Variants in DLG2 observed in about 807,000 individuals in gnomAD.
DLG2 encodes the protein disks large homolog 2.
A neutral mutation model predicts 132.5 loss-of-function variants in DLG2; 45 were observed. The observed-to-expected ratio is 0.34, with a 90% CI of 0.27 to 0.44. The LOEUF is 0.44. Ranked by LOEUF, DLG2 falls within the 20% of genes least tolerant of loss-of-function variation. The pLI is 1.00. For missense variants in DLG2, 1,045 were observed against 1,196.9 expected (o/e 0.87, Z 1.87); for synonymous variants, 424 against 419.6 (o/e 1.01, Z -0.13).
intron 8 of DLG2, among the ~76,000 whole-genome samples, chr11:84,203,590 A>AAAAG (rs1555419057): frequency 6.6e-6 from 1 of 151,572 alleles, no homozygotes; most frequent in Admixed American, 6.6e-5. Flanking sequence ...TCAAAAAAAA[A>AAAAG]AAAAAAAAAG....
intron 6 of DLG2, chr11:85,020,981 C>T (rs572215104): frequency 1.3e-6 from 1 of 778,912 alleles, no homozygotes; most frequent in South Asian, 1.3e-5. Flanking sequence ...AGCTGCTGCT[C>T]TGCTCCTCTT....
rs181951149 is a variant in DLG2 at position 84,863,011 on chromosome 11, C to T, written c.357+248650G>A. 1.4e-4 allele frequency among the ~76,000 whole-genome samples: 21 copies of T among 152,096 alleles called. 1 individual carries two copies. Among genetic ancestry groups the T allele is most frequent in the Admixed American group, 4.6e-4 (7 of 15,270 alleles). ...TATTAGTTCCGTCCTGCTTCTCTCC[C>T]ACCAACTCTGCTTGCTATCCTTGTC... On this transcript the variant is annotated intron_variant, in intron 6 of 27. Transcript: ENST00000376104.
At chr11:84,995,613 T>C (rs1387091213) in intron 6 of DLG2, among the ~76,000 whole-genome samples, 1 of 152,206 alleles carries the variant, frequency 6.6e-6, no homozygotes, top group Non-Finnish European at 1.5e-5. Flanking sequence ...AAGCATTCAA[T>C]AAATACTGAA....
intron 6 of DLG2, among the ~76,000 whole-genome samples, chr11:84,568,090 G>A (rs1161957769): frequency 6.6e-6 from 1 of 152,162 alleles, no homozygotes; most frequent in Non-Finnish European, 1.5e-5. Context: ...AAACACTAGA[G>A]GAAATGGCAT....
In DLG2 at chr11:83,890,420, C is replaced by T. The variant is rs376904001; in HGVS notation, c.1497-15932G>A. ...GAACTCAGTGGCCCTAGATAAGTCACTTCATTTTCCTTGTTTTGATTTTTC... is the reference window on the plus strand; with the variant it reads ...GAACTCAGTGGCCCTAGATAAGTCATTTCATTTTCCTTGTTTTGATTTTTC... On this transcript the variant is annotated intron_variant, in intron 15 of 27. Transcript: ENST00000376104. Among the ~76,000 whole-genome samples, 9 of 152,012 alleles carry T rather than the reference C, an allele frequency of 5.9e-5. No homozygotes were observed. In the East Asian group the frequency reaches 1.7e-3, roughly 29 times the overall value.
intron 7 of DLG2, chr11:84,316,711 T>C (rs2098360230): frequency 1.0e-5 from 12 of 1,149,878 alleles, no homozygotes; most frequent in Middle Eastern, 4.1e-4. Flanking sequence ...CCTAATATTT[T>C]ACATACAGGC....
In DLG2 at chr11:83,489,897, C is replaced by G. The variant is rs1019567064; in HGVS notation, c.2194-5669G>C. On this transcript the variant is annotated intron_variant, in intron 21 of 27. Coordinates refer to ENST00000376104, the MANE Select transcript of DLG2 (RefSeq NM_001142699.3). Reference sequence around the variant, plus strand: ...CTGTGAAAGAAAGGTGAGATACAAACGTGGTACGGAGGAAGGAGAGGAAGA... The same window carrying G: ...CTGTGAAAGAAAGGTGAGATACAAAGGTGGTACGGAGGAAGGAGAGGAAGA... 6.6e-5 allele frequency among the ~76,000 whole-genome samples: 10 copies of G among 151,962 alleles called. No individual in the cohort carries two copies. In the South Asian group the frequency reaches 8.3e-4, roughly 13 times the overall value.
intron 3 of DLG2, among the ~76,000 whole-genome samples, chr11:85,548,349 C>T (rs1234022731): frequency 6.6e-6 from 1 of 152,198 alleles, no homozygotes; most frequent in Non-Finnish European, 1.5e-5. Flanking sequence ...CTGCCTGTTC[C>T]TTGCTCTGGA....
intron 7 of DLG2, among the ~76,000 whole-genome samples, chr11:84,523,568 C>T (rs1325393442): frequency 6.6e-6 from 1 of 152,184 alleles, no homozygotes; most frequent in Non-Finnish European, 1.5e-5. Flanking sequence ...CAAAAGGTTA[C>T]AATTCCAGAC....
chr11:83,509,884 T>C (rs1218897271), intron 21 of DLG2, among the ~76,000 whole-genome samples: 1 of 152,150 alleles, frequency 6.6e-6, no homozygotes. Flanking sequence ...ATCAGTTATT[T>C]CTTGAGCGCG....
chr11:85,589,560 AG>A (rs1176988700), intron 3 of DLG2, among the ~76,000 whole-genome samples: 1 of 151,908 alleles, frequency 6.6e-6, no homozygotes, highest in African/African-American at 2.4e-5. Flanking sequence ...GGGGTGTGGG[AG>A]GGGTGGTTCT....
chr11:84,811,310 G>C (rs2076534584), intron 6 of DLG2, among the ~76,000 whole-genome samples: 1 of 152,238 alleles, frequency 6.6e-6, no homozygotes, highest in South Asian at 2.1e-4. Context: ...GTGAAAAAGA[G>C]GGGAGCAAGA....
chr11:84,278,047 GTTTTTT>G (rs55650627), intron 7 of DLG2, among the ~76,000 whole-genome samples: 1 of 99,608 alleles, frequency 1.0e-5, no homozygotes, highest in Non-Finnish European at 2.0e-5. Context: ...GCCTGGCTAA[GTTTTTT>G]TTTTTTTTTT....
chr11:85,480,439 G>A (rs1182732869), intron 3 of DLG2, among the ~76,000 whole-genome samples: 3 of 152,044 alleles, frequency 2.0e-5, no homozygotes, highest in Non-Finnish European at 4.4e-5. Context: ...GGAGCTACAA[G>A]TATCCATAAG....
At position 85,590,882 on chromosome 11, in the gene DLG2, G is replaced by T. The variant is rs188008981; in HGVS notation, c.40+7775C>A. ...TTTCACACTCCCAACAATAGCTTTG[G>T]GGTTTCACTATCTCACTATATAGGG... On this transcript the variant is annotated intron_variant, in intron 3 of 27. Transcript: ENST00000376104. Among the ~76,000 whole-genome samples, 59 of 152,082 alleles carry T rather than the reference G, an allele frequency of 3.9e-4. No individual in the cohort carries two copies. The East Asian group carries it at 0.01, about 26-fold the overall frequency.
intron 3 of DLG2, among the ~76,000 whole-genome samples, chr11:85,462,554 A>G (rs1329807023): frequency 3.9e-5 from 6 of 152,180 alleles, no homozygotes; most frequent in Non-Finnish European, 7.3e-5. Flanking sequence ...CACAAGGACA[A>G]AAAACCAAAC....
intron 19 of DLG2, among the ~76,000 whole-genome samples, chr11:83,548,137 T>C (rs888943143): frequency 6.6e-6 from 1 of 152,140 alleles, no homozygotes; most frequent in African/African-American, 2.4e-5. Context: ...AATTACGCCC[T>C]GTAGTTATGT....
At chr11:83,872,561 C>T (rs903971105) in intron 16 of DLG2, among the ~76,000 whole-genome samples, 1 of 152,022 alleles carries the variant, frequency 6.6e-6, no homozygotes, top group Admixed American at 6.6e-5. Context: ...AGGGTAACAC[C>T]TTTACATTTT....
intron 7 of DLG2, among the ~76,000 whole-genome samples, chr11:84,462,618 G>A (rs547489808): frequency 6.6e-6 from 1 of 151,166 alleles, no homozygotes; most frequent in South Asian, 2.1e-4. Context: ...TAAAATATAA[G>A]TATTAAGAGG....
Sources: gnomAD v4.1 joint callset for allele counts (sites outside exome capture counted in the v4.1 genomes callset) on GRCh38, gnomAD v4.1.1 for gene constraint, MANE v1.5 for transcripts, NCBI Gene and HGNC (gene_info 2026-07-23, HGNC 2026-07-21) for gene names.